The following LLGL2 variants were observed in gnomAD, a reference collection of about 807,000 sequenced individuals.
The protein encoded by LLGL2 is LLGL2, scribble cell polarity complex component.
A neutral mutation model predicts 123.2 loss-of-function variants in LLGL2; 81 were observed. The observed-to-expected ratio is 0.66, with a 90% CI of 0.55 to 0.79. LLGL2 has a LOEUF of 0.79. LLGL2 is among the 30% of genes least tolerant of loss of function. The probability of loss-of-function intolerance (pLI) is 0.00; values close to 1 mark genes in which losing one functional copy is unlikely to be tolerated. For missense variants in LLGL2, 1,273 were observed against 1,414.6 expected (o/e 0.90, Z 1.61); for synonymous variants, 577 against 594.1 (o/e 0.97, Z 0.42).
At chr17:75,571,495 A>G in intron 17 of LLGL2, 172 bp from the exon 18 acceptor site, 2 of 611,036 alleles carry the variant, frequency 3.3e-6, no homozygotes, top group East Asian at 5.5e-5. Context: ...GCTGTATCAC[A>G]GCAAGGGCTG....
chr17:75,571,116 G>A lies in LLGL2; in HGVS notation c.2176+16G>A. On this transcript the variant is annotated intron_variant, in intron 17 of 25. Transcript: ENST00000392550. The stretch of plus-strand genomic sequence containing the variant: ...CTGAAGGACAGTGAGTGGCCAGCCT[G>A]GGGTTGGGGGGCAGGGGGTAGTGGG... 1 of 1,599,596 alleles carries A rather than the reference G, an allele frequency of 6.3e-7. No homozygotes were observed. Among genetic ancestry groups the A allele is most frequent in the Non-Finnish European group, 8.5e-7 (1 of 1,170,458 alleles).
intron 19 of LLGL2, among the ~76,000 whole-genome samples, chr17:75,572,625 A>G (rs564724783): frequency 4.9e-4 from 71 of 145,202 alleles, no homozygotes; most frequent in African/African-American, 1.7e-3. Flanking sequence ...AGATTGTGCC[A>G]CTGCCCTCCA....
In LLGL2 at chr17:75,555,109, G is replaced by A. The variant is rs375887931; in HGVS notation, c.76-937G>A. On this transcript the variant is annotated intron_variant, in intron 2 of 25. Coordinates refer to ENST00000392550, the MANE Select transcript of LLGL2 (RefSeq NM_001031803.2). The stretch of plus-strand genomic sequence containing the variant: ...GGAGAATGGCATGAACCCGGGAGGC[G>A]GAGCTTGCAGTGAGCCGAGATCGCA... Among the ~76,000 whole-genome samples, 10 of 150,630 alleles carry A rather than the reference G, an allele frequency of 6.6e-5. No individual in the cohort carries two copies. The East Asian group carries it at 8.0e-4, about 12-fold the overall frequency.
rs761463266 is a variant in LLGL2 at position 75,559,239 on chromosome 17, G to C, written c.372-13G>C. ...GGCAGTGGTCGGCTCACGGGCAGCTGTTCTTGTCACAGGGCTGCCCCCAGT... is the reference window on the plus strand; with the variant it reads ...GGCAGTGGTCGGCTCACGGGCAGCTCTTCTTGTCACAGGGCTGCCCCCAGT... On this transcript the variant is annotated splice_polypyrimidine_tract_variant and intron_variant, in intron 5 of 25. Transcript: ENST00000392550. The surrounding 1 kb of genome is among the most constrained non-coding windows in gnomAD (Gnocchi z 4.6). 3.1e-6 allele frequency: 5 copies of C among 1,587,458 alleles called. No individual in the cohort carries two copies. The highest frequency in any genetic ancestry group is 3.6e-5 in the Admixed American group (2 of 55,600).
chr17:75,573,573 A>C lies in LLGL2; in HGVS notation c.2818A>C (p.Thr940Pro). 1 of 1,612,540 alleles carries C rather than the reference A, an allele frequency of 6.2e-7. No individual in the cohort carries two copies. Among genetic ancestry groups the C allele is most frequent in the Non-Finnish European group, 8.5e-7 (1 of 1,179,852 alleles). ...CCGGTGTCTGGTGGATTCAGCAGAA[A>C]CCAAGAACCACCGCCCTGGTAACGG... ...EPRCLVDSAE[T>P]KNHRPGNGAG... The change falls in exon 21 of 26, where the codon ACC (threonine) becomes CCC (proline). Residue 940 changes from threonine (T) to proline (P), a missense_variant. By Grantham distance (38) the Thr-to-Pro change is conservative (BLOSUM62 -1). Coordinates refer to ENST00000392550, the MANE Select transcript of LLGL2 (RefSeq NM_001031803.2).
chr17:75,533,147 C>T (rs1276504953), intron 1 of LLGL2, among the ~76,000 whole-genome samples: 1 of 151,024 alleles, frequency 6.6e-6, no homozygotes, highest in Non-Finnish European at 1.5e-5. Flanking sequence ...CTACAGGCTC[C>T]CGCCACCACG....
Position 75,564,887 on chromosome 17 carries a change from G to A in LLGL2, c.1036+380G>A, listed in dbSNP as rs1458621394. Among the ~76,000 whole-genome samples the A allele has an allele frequency of 6.8e-6, 1 of 146,862 alleles. No homozygotes were observed. The highest frequency in any genetic ancestry group is 1.5e-5 in the Non-Finnish European group (1 of 67,220). On this transcript the variant is annotated intron_variant, in intron 10 of 25. Transcript: ENST00000392550. This position sits in a 1 kb window ranked among gnomAD's most constrained non-coding sequence, Gnocchi z 4.9. ...CAAAAAAAAAAAAAAAAAGGGCTCT[G>A]CACAGATGTTCCTAAGCCTACCACT...
intron 20 of LLGL2, 47 bp downstream of exon 20, chr17:75,573,325 G>A (rs376285571): frequency 6.8e-5 from 107 of 1,565,636 alleles, no homozygotes; most frequent in Non-Finnish European, 8.4e-5. Flanking sequence ...GGCACTGCAC[G>A]GACGGGAAGG....
At chr17:75,574,068 C>G in intron 22 of LLGL2, 88 bp downstream of exon 22, 1 of 1,549,808 alleles carries the variant, frequency 6.5e-7, no homozygotes, top group Non-Finnish European at 8.7e-7. Flanking sequence ...CCCGAGTGAG[C>G]AGGTAGTGTT....
chr17:75,526,995 T>C (rs1046816409), intron 1 of LLGL2, among the ~76,000 whole-genome samples: 6 of 151,478 alleles, frequency 4.0e-5, no homozygotes, highest in African/African-American at 1.5e-4. Flanking sequence ...TAGTGAGACC[T>C]CGTCTCTGCA....
rs112047184 is a variant in LLGL2, at chr17:75,573,077, A to C, written c.2524A>C (p.Arg842=). Residue 842 remains arginine (R), a synonymous_variant, in exon 20 of 26, where the codon AGA becomes CGA. Transcript: ENST00000392550. ...KLKLTALEGS[R]VRRVSVAHFG... Reference sequence around the variant, plus strand: ...GAAGCTGACGGCCCTGGAGGGCTCAAGAGTGCGGCGGGTCAGCGTGGCCCA... The same window carrying C: ...GAAGCTGACGGCCCTGGAGGGCTCACGAGTGCGGCGGGTCAGCGTGGCCCA... The C allele has an allele frequency of 5.6e-4, 897 of 1,613,072 alleles. 7 individuals carry two copies. The African/African-American group carries it at 9.8e-3, about 18-fold the overall frequency.
At chr17:75,557,792 C>T (rs2054983092) in intron 3 of LLGL2, 1 of 361,912 alleles carries the variant, frequency 2.8e-6, no homozygotes, top group Non-Finnish European at 5.4e-6. Context: ...TGATAGGCCC[C>T]CTGGGGTGCC....
At chr17:75,560,829 A>AAAC (rs2055183109) in intron 6 of LLGL2, among the ~76,000 whole-genome samples, 1 of 110,966 alleles carries the variant, frequency 9.0e-6, no homozygotes, top group Non-Finnish European at 1.8e-5. Flanking sequence ...AAAAAAAAAA[A>AAAC]AAACAAAGAA....
Position 75,544,588 on chromosome 17 carries a change from C to T in LLGL2, c.75+1087C>T, listed in dbSNP as rs563230012. 9.7e-4 allele frequency among the ~76,000 whole-genome samples: 148 copies of T among 152,286 alleles called. No individual in the cohort carries two copies. The highest frequency in any genetic ancestry group is 3.2e-3 in the African/African-American group (133 of 41,568). On this transcript the variant is annotated intron_variant, in intron 2 of 25. Transcript: ENST00000392550. This position sits in a 1 kb window ranked among gnomAD's most constrained non-coding sequence, Gnocchi z 4.2. ...ACACCATAGGCTTGTTAAGGGCGTACGTGGGGTGAGGTAACTTAAGTGCTA... is the reference window on the plus strand; with the variant it reads ...ACACCATAGGCTTGTTAAGGGCGTATGTGGGGTGAGGTAACTTAAGTGCTA...
At chr17:75,541,417 C>T (rs1193781008) in intron 1 of LLGL2, among the ~76,000 whole-genome samples, 2 of 152,234 alleles carry the variant, frequency 1.3e-5, no homozygotes, top group African/African-American at 4.8e-5. Flanking sequence ...TGGGTGTCCC[C>T]TCACTTCCAT....
At chr17:75,536,093 G>T (rs1486822699) in intron 1 of LLGL2, among the ~76,000 whole-genome samples, 4 of 152,242 alleles carry the variant, frequency 2.6e-5, no homozygotes, top group African/African-American at 9.6e-5. Flanking sequence ...GAACAGGGAG[G>T]GTGGCTCAGA....
Position 75,559,254 on chromosome 17 carries a change from C to G in LLGL2, c.374C>G (p.Ala125Gly). 6.3e-7 allele frequency: 1 copy of G among 1,599,972 alleles called. No homozygotes were observed. Among genetic ancestry groups the G allele is most frequent in the Non-Finnish European group, 8.5e-7 (1 of 1,173,702 alleles). The part of the protein sequence containing the change: ...ESFTLRGPPG[A>G]APSATQITVV... ...ACGGGCAGCTGTTCTTGTCACAGGGCTGCCCCCAGTGCCACACAGATCACC... is the reference window on the plus strand; with the variant it reads ...ACGGGCAGCTGTTCTTGTCACAGGGGTGCCCCCAGTGCCACACAGATCACC... Residue 125 changes from alanine (A) to glycine (G), a missense_variant and splice_region_variant, in exon 6 of 26, where the codon GCT becomes GGT. Coordinates refer to ENST00000392550, the MANE Select transcript of LLGL2 (RefSeq NM_001031803.2). This position sits in a 1 kb window ranked among gnomAD's most constrained non-coding sequence, Gnocchi z 4.6.
chr17:75,532,377 A>G lies in LLGL2; in HGVS notation c.-31+6552A>G, dbSNP rs370299150. 3.3e-5 allele frequency: 5 copies of G among 152,140 alleles called. No individual in the cohort carries two copies. In the East Asian group the frequency reaches 5.8e-4, roughly 18 times the overall value. 9.4% of individuals were successfully genotyped at this position (152,140 alleles called of 1,614,324 possible). On this transcript the variant is annotated intron_variant, in intron 1 of 25. Coordinates refer to ENST00000392550, the MANE Select transcript of LLGL2 (RefSeq NM_001031803.2). ...ACCATTCTCCTGACTCAGGCTCCCG[A>G]GTAGCTGGGATTACAGGCGCCCGCC...
Position 75,564,713 on chromosome 17 carries a change from A to C in LLGL2, c.1036+206A>C. 1 of 787,696 alleles carries C rather than the reference A, an allele frequency of 1.3e-6. No individual in the cohort carries two copies. The highest frequency in any genetic ancestry group is 1.9e-6 in the Non-Finnish European group (1 of 531,840). The allele number at this position is 787,696 out of a possible 1,614,324, so 48.8% of individuals were successfully genotyped here. On this transcript the variant is annotated intron_variant, in intron 10 of 25. Transcript: ENST00000392550. This position sits in a 1 kb window ranked among gnomAD's most constrained non-coding sequence, Gnocchi z 4.9. ...CCCTTGTCTCTACAAAAAATAAAAA[A>C]ATTAGCCAGGTGTTGTGGCACGTAC...
Sources: gnomAD v4.1 joint callset for allele counts (sites outside exome capture counted in the v4.1 genomes callset) on GRCh38, gnomAD v4.1.1 for gene constraint, Gnocchi (gnomAD v3.1) non-coding constraint, MANE v1.5 for transcripts, NCBI Gene and HGNC (gene_info 2026-07-23, HGNC 2026-07-21) for gene names.